The following SLC24A2 variants were observed in gnomAD, a reference collection of about 807,000 sequenced individuals.
SLC24A2 encodes sodium/potassium/calcium exchanger 2.
In SLC24A2, 36 loss-of-function variants were observed where a neutral mutation model predicts 62.0. The ratio of observed to expected loss-of-function variants is 0.58; its 90% CI spans 0.44 to 0.77. The LOEUF (loss-of-function observed/expected upper bound fraction) is 0.77, where lower values mean the gene tolerates loss of function less well. SLC24A2 is among the 30% of genes least tolerant of loss of function. The pLI is 0.00. For synonymous variants in SLC24A2, 358 were observed against 294.0 expected, an observed-to-expected ratio of 1.22 and a Z score of -2.23; for missense variants, 846 against 817.9, an observed-to-expected ratio of 1.03 and a Z score of -0.42.
At chr9:19,885,684 G>C in the SLC24A2 span, among the ~76,000 whole-genome samples, 2 of 152,120 alleles carry the variant, frequency 1.3e-5, no homozygotes, top group African/African-American at 4.8e-5. Context: ...TTGGTGTACA[G>C]ATAATTTCAT....
At chr9:20,232,191 A>T in the SLC24A2 span, among the ~76,000 whole-genome samples, 2 of 152,106 alleles carry the variant, frequency 1.3e-5, no homozygotes, top group Non-Finnish European at 2.9e-5. Context: ...TTGGTCTAAA[A>T]TTCTCTTTTT....
the SLC24A2 span, among the ~76,000 whole-genome samples, chr9:20,259,695 G>A: frequency 6.6e-6 from 1 of 152,246 alleles, no homozygotes; most frequent in South Asian, 2.1e-4. Flanking sequence ...AGCCTCTGGA[G>A]AGAGACTTCA....
chr9:20,016,929 A>C, the SLC24A2 span, among the ~76,000 whole-genome samples: 1 of 152,248 alleles, frequency 6.6e-6, no homozygotes, highest in South Asian at 2.1e-4. Flanking sequence ...ATATGCATTT[A>C]AGGAAACAAA....
intron 10 of SLC24A2, among the ~76,000 whole-genome samples, chr9:19,517,836 A>T (rs1187569633): frequency 6.6e-6 from 1 of 151,822 alleles, no homozygotes; most frequent in East Asian, 1.9e-4. Flanking sequence ...AGAGCCATTG[A>T]CAGGGACTTG....
At chr9:19,826,379 A>G in the SLC24A2 span, among the ~76,000 whole-genome samples, 1 of 152,282 alleles carries the variant, frequency 6.6e-6, no homozygotes, top group Non-Finnish European at 1.5e-5. Context: ...AGTCCCATTC[A>G]GCAAGATCTT....
chr9:19,518,606 G>C (rs937900463), intron 10 of SLC24A2, among the ~76,000 whole-genome samples: 1 of 151,990 alleles, frequency 6.6e-6, no homozygotes, highest in Non-Finnish European at 1.5e-5. Flanking sequence ...ATTTTCAGTA[G>C]AGACAGGTTT....
intron 1 of SLC24A2, chr9:19,788,428 A>C: frequency 2.4e-6 from 2 of 826,312 alleles, no homozygotes; most frequent in Non-Finnish European, 2.9e-6. Flanking sequence ...CTGCCTCCGT[A>C]GGAGAATGTT....
chr9:19,542,046 GC>G (rs1834291311), intron 8 of SLC24A2, among the ~76,000 whole-genome samples: 1 of 152,208 alleles, frequency 6.6e-6, no homozygotes. Context: ...GTGAGGCAAT[GC>G]CTCGCCCTGC....
the SLC24A2 span, among the ~76,000 whole-genome samples, chr9:20,051,025 C>T: frequency 6.6e-6 from 1 of 152,048 alleles, no homozygotes; most frequent in South Asian, 2.1e-4. Flanking sequence ...GATGGTAGAT[C>T]TAAGCCCAAA....
At chr9:19,568,013 A>T (rs1352710240) in intron 7 of SLC24A2, among the ~76,000 whole-genome samples, 1 of 152,234 alleles carries the variant, frequency 6.6e-6, no homozygotes, top group Non-Finnish European at 1.5e-5. Flanking sequence ...GGTTAATTAC[A>T]CAAGGCAGGC....
the SLC24A2 span, among the ~76,000 whole-genome samples, chr9:20,023,127 G>A: frequency 9.2e-5 from 14 of 152,146 alleles, no homozygotes; most frequent in Non-Finnish European, 1.8e-4. Context: ...AAAAAGCCAC[G>A]ACAGACTGAC....
the SLC24A2 span, among the ~76,000 whole-genome samples, chr9:19,839,994 A>C: frequency 2.0e-5 from 3 of 152,212 alleles, no homozygotes; most frequent in Non-Finnish European, 4.4e-5. Context: ...TGTTGTTTGA[A>C]CAATGATGAA....
At chr9:19,706,421 C>T (rs1820521550) in intron 2 of SLC24A2, among the ~76,000 whole-genome samples, 1 of 150,452 alleles carries the variant, frequency 6.6e-6, no homozygotes, top group African/African-American at 2.5e-5. Context: ...GCTCTGTCGC[C>T]CATGCTGGAG....
chr9:19,793,801 T>G (rs1430176751), upstream of SLC24A2, among the ~76,000 whole-genome samples: 4 of 152,202 alleles, frequency 2.6e-5, no homozygotes, highest in Admixed American at 6.5e-5. Context: ...CTGTTGAGAT[T>G]ATATACTTAG....
the SLC24A2 span, among the ~76,000 whole-genome samples, chr9:19,995,303 G>T: frequency 6.6e-6 from 1 of 151,978 alleles, no homozygotes; most frequent in African/African-American, 2.4e-5. Context: ...TTCTATTTTA[G>T]AAATATGTTC....
At chr9:19,566,533 C>G (rs1256696798) in intron 7 of SLC24A2, among the ~76,000 whole-genome samples, 1 of 151,828 alleles carries the variant, frequency 6.6e-6, no homozygotes, top group Non-Finnish European at 1.5e-5. Flanking sequence ...ACTAGTTCAA[C>G]CATTGTGGAA....
At chr9:20,056,821 A>G in the SLC24A2 span, among the ~76,000 whole-genome samples, 3 of 152,226 alleles carry the variant, frequency 2.0e-5, no homozygotes, top group Admixed American at 6.5e-5. Flanking sequence ...GGAAAGTGAT[A>G]TATGCATCTC....
intron 7 of SLC24A2, among the ~76,000 whole-genome samples, chr9:19,567,248 T>C (rs948259719): frequency 2.7e-4 from 40 of 148,418 alleles, no homozygotes; most frequent in African/African-American, 9.7e-4. Context: ...AAACGAGAAG[T>C]AAAAGTAAGG....
At chr9:19,870,745 C>T in the SLC24A2 span, among the ~76,000 whole-genome samples, 2 of 152,126 alleles carry the variant, frequency 1.3e-5, no homozygotes, top group African/African-American at 2.4e-5. Flanking sequence ...TTAATATTTA[C>T]ATCATGGATA....
Sources: allele counts gnomAD v4.1 joint callset (sites outside exome capture counted in the v4.1 genomes callset), GRCh38; gene constraint gnomAD v4.1.1; transcripts MANE v1.5; gene names NCBI Gene and HGNC (gene_info 2026-07-23, HGNC 2026-07-21).